ABCC10: variants seen among roughly 807,000 people sequenced by gnomAD.
ABCC10 encodes ATP-binding cassette sub-family C member 10.
ABCC10 carries 110 observed loss-of-function variants against 143.2 expected under a neutral mutation model. The ratio of observed to expected loss-of-function variants is 0.77; its 90% CI spans 0.66 to 0.90. The LOEUF (loss-of-function observed/expected upper bound fraction) is 0.90, where lower values mean the gene tolerates loss of function less well. ABCC10 is among the 40% of genes least tolerant of loss of function. The pLI is 0.00. For synonymous variants in ABCC10, 805 were observed against 846.7 expected, an observed-to-expected ratio of 0.95 and a Z score of 0.85; for missense variants, 1,700 against 1,900.5, an observed-to-expected ratio of 0.89 and a Z score of 1.96.
Position 43,432,383 on chromosome 6 carries a change from G to A in ABCC10, c.403G>A (p.Ala135Thr). 1.2e-6 allele frequency: 2 copies of A among 1,612,844 alleles called. No individual in the cohort carries two copies. Among genetic ancestry groups the A allele is most frequent in the Non-Finnish European group, 1.7e-6 (2 of 1,180,024 alleles). Residue 135 changes from alanine (A) to threonine (T), a missense_variant, in exon 3 of 22, where the codon GCC becomes ACC. Ala to Thr is a moderately conservative substitution (Grantham distance 58). Coordinates refer to ENST00000372530, the MANE Select transcript of ABCC10 (RefSeq NM_001198934.2). ...SPHGHSRGPL[A>T]LALVALLPAP... ...TCATGGCCACTCCCGGGGTCCCTTGGCCTTGGCCCTGGTAGCCTTGCTGCC... is the reference window on the plus strand; with the variant it reads ...TCATGGCCACTCCCGGGGTCCCTTGACCTTGGCCCTGGTAGCCTTGCTGCC...
At chr6:43,438,884 G>T in intron 8 of ABCC10, 89 bp downstream of exon 8, 1 of 1,501,408 alleles carries the variant, frequency 6.7e-7, no homozygotes, top group Non-Finnish European at 9.1e-7. Flanking sequence ...TCTGGAAAGG[G>T]GTTGCTTCTA....
chr6:43,449,424 C>A lies in ABCC10; in HGVS notation c.4206C>A (p.Ile1402=), dbSNP rs781227148. The A allele has an allele frequency of 1.1e-5, 17 of 1,612,012 alleles. No individual in the cohort carries two copies. Among genetic ancestry groups the A allele is most frequent in the Non-Finnish European group, 1.4e-5 (17 of 1,178,902 alleles). Residue 1402 remains isoleucine (I), a splice_region_variant and synonymous_variant, in exon 21 of 22, where the codon ATC becomes ATA. Coordinates refer to ENST00000372530, the MANE Select transcript of ABCC10 (RefSeq NM_001198934.2). The part of the protein sequence containing the change: ...LARALLTDAK[I]LCIDEATASV... ...CCTACCCCATTCCCATATTCCAGAT[C>A]CTGTGTATCGATGAGGCCACAGCAA... is the stretch of plus-strand genomic sequence containing the variant.
chr6:43,447,795 G>A lies in ABCC10; in HGVS notation c.3817G>A (p.Gly1273Arg), dbSNP rs1783273077. ...LDGVTFCVQP[G>R]EKLGIVGRTG... Reference sequence around the variant, plus strand: ...TGGAGTGACCTTCTGCGTGCAGCCTGGAGAGAAGTTGGGCATCGTGGGCCG... The same window carrying A: ...TGGAGTGACCTTCTGCGTGCAGCCTAGAGAGAAGTTGGGCATCGTGGGCCG... Residue 1273 changes from glycine (G) to arginine (R), a missense_variant, in exon 18 of 22, where the codon GGA (glycine) becomes AGA (arginine). Coordinates refer to ENST00000372530, the MANE Select transcript of ABCC10 (RefSeq NM_001198934.2). 1.9e-6 allele frequency: 3 copies of A among 1,613,582 alleles called. No homozygotes were observed. The highest frequency in any genetic ancestry group is 2.5e-6 in the Non-Finnish European group (3 of 1,180,036).
At position 43,447,302 on chromosome 6, in the gene ABCC10, G is replaced by A; in HGVS notation, c.3599G>A (p.Gly1200Asp). 6.2e-7 allele frequency: 1 copy of A among 1,613,724 alleles called. No individual in the cohort carries two copies. The highest frequency in any genetic ancestry group is 8.5e-7 in the Non-Finnish European group (1 of 1,180,000). The change falls in exon 17 of 22, where the codon GGC (glycine) becomes GAC (aspartate). Residue 1200 changes from glycine (G) to aspartate (D), a missense_variant. By Grantham distance (94) the Gly-to-Asp change is moderately conservative (BLOSUM62 -1). Coordinates refer to ENST00000372530, the MANE Select transcript of ABCC10 (RefSeq NM_001198934.2). ...YALSLTGLLS[G>D]LVSSFTQTEA... is the part of the protein sequence containing the mutation. ...CTGTCCCTGACGGGCCTGCTCTCGG[G>A]CCTGGTGAGCAGCTTCACACAGACA...
At chr6:43,438,501 T>A in intron 7 of ABCC10, 123 bp from the exon 8 acceptor site, 1 of 1,460,848 alleles carries the variant, frequency 6.8e-7, no homozygotes, top group South Asian at 1.4e-5. Flanking sequence ...CTCAGTCATG[T>A]GACATGAAGG....
At chr6:43,446,859 T>G (rs1045912313) in intron 16 of ABCC10, 100 of 1,083,422 alleles carry the variant, frequency 9.2e-5, no homozygotes, top group Admixed American at 2.0e-4. Context: ...GTTTTGTTTT[T>G]TTTTTTGAGA....
At chr6:43,445,436 A>G in intron 14 of ABCC10, 122 bp downstream of exon 14, 2 of 1,362,070 alleles carry the variant, frequency 1.5e-6, no homozygotes, top group Non-Finnish European at 2.0e-6. Context: ...TTCTTCCTCA[A>G]CCTCTGCCAA....
chr6:43,442,098 A>G (rs912361497), intron 9 of ABCC10, 138 bp downstream of exon 9: 8 of 669,416 alleles, frequency 1.2e-5, no homozygotes, highest in East Asian at 3.0e-5. Context: ...TTCCTGAGGT[A>G]TTGGCCATCT....
Position 43,447,902 on chromosome 6 carries a change from C to G in ABCC10, c.3924C>G (p.Gly1308=). ...GTTCAGGGCGAGTGCTGCTGGACGGCGTGGACACCAGCCAGCTGGAGCTGG... is the reference window on the plus strand; with the variant it reads ...GTTCAGGGCGAGTGCTGCTGGACGGGGTGGACACCAGCCAGCTGGAGCTGG... The part of the protein sequence containing the change: ...EPSSGRVLLD[G]VDTSQLELAQ... The change falls in exon 18 of 22, where the codon GGC becomes GGG. Residue 1308 remains glycine, a synonymous_variant. Transcript: ENST00000372530. The G allele has an allele frequency of 6.2e-7, 1 of 1,613,702 alleles. No homozygotes were observed. The highest frequency in any genetic ancestry group is 8.5e-7 in the Non-Finnish European group (1 of 1,180,000).
At chr6:43,445,978 G>T (rs200579608) in intron 15 of ABCC10, 36 bp downstream of exon 15, 17 of 1,582,602 alleles carry the variant, frequency 1.1e-5, no homozygotes, top group East Asian at 2.2e-5. Context: ...TGAGGTGTTG[G>T]GGGGAGAGGA....
chr6:43,451,052 C>T, downstream of ABCC10: 1 of 1,614,216 alleles, frequency 6.2e-7, no homozygotes, highest in South Asian at 1.1e-5. The surrounding 1 kb of genome is among the most constrained non-coding windows in gnomAD (Gnocchi z 4.4). Flanking sequence ...CACAGTCATC[C>T]AGGTTGATGG....
intron 2 of ABCC10, among the ~76,000 whole-genome samples, chr6:43,428,446 G>A (rs1052074799): frequency 1.3e-5 from 2 of 152,164 alleles, no homozygotes; most frequent in Non-Finnish European, 2.9e-5. Context: ...TCAGCTACCC[G>A]GACTCAGCTG....
rs148750882 is a variant in ABCC10 at position 43,444,203 on chromosome 6, C to A, written c.2539C>A (p.Leu847Met). 3 of 1,613,980 alleles carry A rather than the reference C, an allele frequency of 1.9e-6. No individual in the cohort carries two copies. In the East Asian group the frequency reaches 6.7e-5, roughly 36 times the overall value. ...VQNPEKTKEG[L>M]EEEQSTSGRL... is the part of the protein sequence containing the mutation. ...GAACCCAGAGAAAACAAAGGAGGGG[C>A]TGGAGGAGGAGCAGAGCACATCTGG... is the stretch of plus-strand genomic sequence containing the variant. Residue 847 changes from leucine to methionine, a missense_variant, in exon 12 of 22, where the codon CTG becomes ATG. Leu to Met is a conservative substitution (Grantham distance 15). Coordinates refer to ENST00000372530, the MANE Select transcript of ABCC10 (RefSeq NM_001198934.2).
At chr6:43,448,179 C>T (rs1783329861) in intron 18 of ABCC10, 1 of 666,318 alleles carries the variant, frequency 1.5e-6, no homozygotes, top group African/African-American at 1.8e-5. Context: ...CTTCATCTTT[C>T]TTGTACTTCC....
rs757275102 is a variant in ABCC10, at chr6:43,449,403, C to T, written c.4204-19C>T. ...GCCTCTCCTTCCTTCTTATCCCCTA[C>T]CCCATTCCCATATTCCAGATCCTGT... On this transcript the variant is annotated intron_variant, in intron 20 of 21. Coordinates refer to ENST00000372530, the MANE Select transcript of ABCC10 (RefSeq NM_001198934.2). The T allele has an allele frequency of 1.9e-5, 30 of 1,603,022 alleles. No individual in the cohort carries two copies. The highest frequency in any genetic ancestry group is 2.3e-5 in the Non-Finnish European group (27 of 1,171,858).
Position 43,438,747 on chromosome 6 carries a change from G to T in ABCC10, c.2079G>T (p.Gln693His). The change falls in exon 8 of 22, where the codon CAG (glutamine) becomes CAT (histidine). Residue 693 changes from glutamine to histidine, a missense_variant. Gln to His is a conservative substitution (Grantham distance 24). Transcript: ENST00000372530. The stretch of plus-strand genomic sequence containing the variant: ...TCTTTGGGAAGACATTTGATGCACA[G>T]CTGTACAAGGAGGTGCTAGAAGCCT... ...NILFGKTFDAQLYKEVLEACA... is the reference protein window; with the variant it reads ...NILFGKTFDAHLYKEVLEACA... 9 of 1,614,236 alleles carry T rather than the reference G, an allele frequency of 5.6e-6. No homozygotes were observed. Among genetic ancestry groups the T allele is most frequent in the Non-Finnish European group, 7.6e-6 (9 of 1,180,038 alleles).
In ABCC10 at chr6:43,445,708, T is replaced by C; in HGVS notation, c.3140T>C (p.Leu1047Pro). Residue 1047 changes from leucine to proline, a missense_variant, in exon 15 of 22, where the codon CTG (leucine) becomes CCG (proline). Physicochemically the swap from Leu to Pro is moderately conservative, Grantham distance 98. Transcript: ENST00000372530. Reference protein sequence around the residue: ...DSLPFILNILLANAAGLLGLL... With the variant: ...DSLPFILNILPANAAGLLGLL... ...CTGCCCTTCATCCTCAACATCCTCC[T>C]GGCCAACGCGGCAGGCCTGCTGGGG... 6.2e-7 allele frequency: 1 copy of C among 1,614,238 alleles called. No homozygotes were observed. Among genetic ancestry groups the C allele is most frequent in the African/African-American group, 1.3e-5 (1 of 75,060 alleles).
intron 13 of ABCC10, 90 bp from the exon 14 acceptor site, chr6:43,445,035 T>C (rs1782884327): frequency 6.3e-7 from 1 of 1,585,482 alleles, no homozygotes; most frequent in Middle Eastern, 1.7e-4. Flanking sequence ...CTGTGACTTC[T>C]GGAGGGTGGG....
chr6:43,433,913 G>T (rs1781400220), intron 3 of ABCC10, among the ~76,000 whole-genome samples: 1 of 152,252 alleles, frequency 6.6e-6, no homozygotes, highest in Non-Finnish European at 1.5e-5. Context: ...AATCTGCAGA[G>T]CTCTGGGTTC....
Sources: allele counts gnomAD v4.1 joint callset (sites outside exome capture counted in the v4.1 genomes callset), GRCh38; gene constraint gnomAD v4.1.1; non-coding constraint Gnocchi (gnomAD v3.1); transcripts MANE v1.5; gene names NCBI Gene and HGNC (gene_info 2026-07-23, HGNC 2026-07-21).